SENP7: variants seen among roughly 807,000 people sequenced by gnomAD.
SENP7 encodes SUMO specific peptidase 7.
Under a neutral mutation model 141.2 loss-of-function variants are expected in SENP7, and 64 were observed. That is an observed-to-expected ratio of 0.45 (90% CI 0.37 to 0.56). The LOEUF is 0.56. Among genes scored for constraint, SENP7 ranks in the 20% least tolerant of loss-of-function variants. SENP7 has a pLI of 0.00. For synonymous variants in SENP7, 382 were observed against 426.4 expected, an observed-to-expected ratio of 0.90 and a Z score of 1.28; for missense variants, 1,025 against 1,212.2, an observed-to-expected ratio of 0.85 and a Z score of 2.29.
At chr3:101,424,579 C>A (rs1032196339) in intron 4 of SENP7, among the ~76,000 whole-genome samples, 2 of 152,032 alleles carry the variant, frequency 1.3e-5, no homozygotes, top group African/African-American at 2.4e-5. Flanking sequence ...ACCTTCCCCC[C>A]ACACTGAGCA....
At chr3:101,362,491 A>C (rs1309446301) in intron 10 of SENP7, among the ~76,000 whole-genome samples, 5 of 152,276 alleles carry the variant, frequency 3.3e-5, no homozygotes, top group Admixed American at 1.3e-4. Flanking sequence ...TTTTAGATTC[A>C]GGGGGCATAT....
intron 5 of SENP7, among the ~76,000 whole-genome samples, chr3:101,404,375 A>C (rs2061238188): frequency 6.6e-6 from 1 of 152,226 alleles, no homozygotes; most frequent in Admixed American, 6.5e-5. Context: ...TATGCAAAAA[A>C]TTGAAATTGA....
chr3:101,426,833 G>A (rs1025915500), intron 4 of SENP7, among the ~76,000 whole-genome samples: 6 of 152,044 alleles, frequency 3.9e-5, no homozygotes, highest in Non-Finnish European at 8.8e-5. Flanking sequence ...ATTACCACAC[G>A]ACCTGCCTTG....
At chr3:101,470,395 G>A (rs1034103410) in intron 3 of SENP7, among the ~76,000 whole-genome samples, 4 of 152,072 alleles carry the variant, frequency 2.6e-5, no homozygotes, top group African/African-American at 9.7e-5. Flanking sequence ...CAGAAACAAT[G>A]ACAAAAACCA....
intron 4 of SENP7, among the ~76,000 whole-genome samples, chr3:101,455,286 TTATAG>T (rs1451623799): frequency 1.3e-5 from 2 of 152,188 alleles, no homozygotes; most frequent in African/African-American, 4.8e-5. Flanking sequence ...TTCCTCTCCA[TTATAG>T]TAAGAAGGCC....
At chr3:101,497,426 A>T (rs549516123) in intron 2 of SENP7, among the ~76,000 whole-genome samples, 4 of 152,316 alleles carry the variant, frequency 2.6e-5, no homozygotes, top group African/African-American at 9.6e-5. Flanking sequence ...GCTCCCTGGG[A>T]AAGTGGTTGA....
rs1267648221 is a variant in SENP7 at position 101,452,105 on chromosome 3, C to G, written c.284+6850G>C. Among the ~76,000 whole-genome samples, 45 of 152,066 alleles carry G rather than the reference C, an allele frequency of 3.0e-4. No homozygotes were observed. In the South Asian group the frequency reaches 6.4e-3, roughly 22 times the overall value. On this transcript the variant is annotated intron_variant, in intron 4 of 23. Coordinates refer to ENST00000394095, the MANE Select transcript of SENP7 (RefSeq NM_020654.5). ...AGAGAGCCAAATCATGAGTGAACTC[C>G]CATTCACAATTGCTTCAAAGAGAAT...
chr3:101,405,861 A>G (rs1252723121), intron 5 of SENP7, among the ~76,000 whole-genome samples: 1 of 152,216 alleles, frequency 6.6e-6, no homozygotes, highest in African/African-American at 2.4e-5. Flanking sequence ...CTTCAAATTA[A>G]CCCAATCCAA....
At chr3:101,511,427 A>G (rs1009463154) in intron 1 of SENP7, among the ~76,000 whole-genome samples, 2 of 152,214 alleles carry the variant, frequency 1.3e-5, no homozygotes, top group Non-Finnish European at 2.9e-5. Context: ...GATCACACCT[A>G]AAGTTCTGTG....
intron 4 of SENP7, among the ~76,000 whole-genome samples, chr3:101,423,175 C>T (rs2061842450): frequency 6.6e-6 from 1 of 151,870 alleles, no homozygotes; most frequent in African/African-American, 2.4e-5. Flanking sequence ...TACAAAAAGA[C>T]ATTCAATATC....
At chr3:101,331,144 T>G (rs1193379565) in intron 19 of SENP7, among the ~76,000 whole-genome samples, 1 of 152,094 alleles carries the variant, frequency 6.6e-6, no homozygotes, top group Non-Finnish European at 1.5e-5. Flanking sequence ...ATACTATTAA[T>G]TAGCTAGATT....
chr3:101,469,632 G>A lies in SENP7; in HGVS notation c.187-10580C>T, dbSNP rs2063901683. Reference sequence around the variant, plus strand: ...GAGGTCAGGAGATCGAGACCATCCTGGCTAACAAGGTGAAACCCCGTCTCT... The same window carrying A: ...GAGGTCAGGAGATCGAGACCATCCTAGCTAACAAGGTGAAACCCCGTCTCT... On this transcript the variant is annotated intron_variant, in intron 3 of 23. Coordinates refer to ENST00000394095, the MANE Select transcript of SENP7 (RefSeq NM_020654.5). Among the ~76,000 whole-genome samples the A allele has an allele frequency of 2.7e-5, 3 of 112,542 alleles. 1 individual carries two copies. The Admixed American group carries it at 3.4e-4, about 13-fold the overall frequency. 73.8% of individuals were successfully genotyped at this position (112,542 alleles called of 152,430 possible).
chr3:101,428,752 C>A (rs1431182257), intron 4 of SENP7, among the ~76,000 whole-genome samples: 1 of 151,306 alleles, frequency 6.6e-6, no homozygotes. Flanking sequence ...GTGTTTTAGT[C>A]ATGAAATCTT....
chr3:101,361,635 T>C (rs2059904940), intron 11 of SENP7, 80 bp downstream of exon 11: 1 of 1,343,794 alleles, frequency 7.4e-7, no homozygotes, highest in South Asian at 1.8e-5. Context: ...TTCTTATTTG[T>C]GCTAAGAAAA....
At chr3:101,486,136 A>AAGTTGCAAAC (rs1397054696) in intron 3 of SENP7, among the ~76,000 whole-genome samples, 1 of 152,198 alleles carries the variant, frequency 6.6e-6, no homozygotes, top group African/African-American at 2.4e-5. Context: ...ACATAAGAAT[A>AAGTTGCAAAC]ATCAGTGTTG....
At chr3:101,338,027 C>A (rs559873760) in intron 16 of SENP7, among the ~76,000 whole-genome samples, 1 of 152,008 alleles carries the variant, frequency 6.6e-6, no homozygotes, top group Non-Finnish European at 1.5e-5. Flanking sequence ...GTGGTGTGCA[C>A]CTGTGGTCCC....
At chr3:101,448,736 C>T (rs2107813208) in intron 4 of SENP7, among the ~76,000 whole-genome samples, 1 of 152,244 alleles carries the variant, frequency 6.6e-6, no homozygotes, top group South Asian at 2.1e-4. Context: ...ACGTCACCAT[C>T]ATCAAAGACC....
chr3:101,455,257 T>C (rs1219915141), intron 4 of SENP7, among the ~76,000 whole-genome samples: 1 of 152,170 alleles, frequency 6.6e-6, no homozygotes, highest in Non-Finnish European at 1.5e-5. Flanking sequence ...CTAGGTTTCC[T>C]AGAGATGCAT....
rs941862258 is a variant in SENP7, at chr3:101,457,114, G to A, written c.284+1841C>T. On this transcript the variant is annotated intron_variant, in intron 4 of 23. Transcript: ENST00000394095. ...AGAGCTGCAGTGTCCAAAGGGCTTG[G>A]GCTTAAAAATATTAGAGATCTAGAT... 11 of 677,768 alleles carry A rather than the reference G, an allele frequency of 1.6e-5. No homozygotes were observed. In the Admixed American group the frequency reaches 2.5e-4, roughly 16 times the overall value. 42.0% of individuals were successfully genotyped at this position (677,768 alleles called of 1,614,324 possible).
Sources: gnomAD v4.1 joint callset for allele counts (sites outside exome capture counted in the v4.1 genomes callset) on GRCh38, gnomAD v4.1.1 for gene constraint, MANE v1.5 for transcripts, NCBI Gene and HGNC (gene_info 2026-07-23, HGNC 2026-07-21) for gene names.